GALC: variants seen among roughly 807,000 people sequenced by gnomAD.
GALC encodes the protein galactosylceramidase.
A neutral mutation model predicts 91.8 loss-of-function variants in GALC; 77 were observed. The ratio of observed to expected loss-of-function variants is 0.84; its 90% CI spans 0.70 to 1.01. The LOEUF (loss-of-function observed/expected upper bound fraction) is 1.01. GALC is among the 50% of genes least tolerant of loss of function. The pLI, the probability that GALC is intolerant of heterozygous loss-of-function variation, is 0.00. For missense variants in GALC, 882 were observed against 855.9 expected, an observed-to-expected ratio of 1.03 and a Z score of -0.38; for synonymous variants, 357 against 306.7, an observed-to-expected ratio of 1.16 and a Z score of -1.71.
At chr14:87,978,745 C>T (rs1162526204) in intron 6 of GALC, among the ~76,000 whole-genome samples, 2 of 151,820 alleles carry the variant, frequency 1.3e-5, no homozygotes, top group Non-Finnish European at 2.9e-5. Context: ...ATCCTCAGAT[C>T]CTAGATGAGA....
At chr14:87,988,717 G>A (rs867784356) in intron 1 of GALC, among the ~76,000 whole-genome samples, 194 bp from the exon 2 acceptor site, 1 of 149,312 alleles carries the variant, frequency 6.7e-6, no homozygotes, top group African/African-American at 2.4e-5. Context: ...CTGTCTGTCC[G>A]ACAGCTAAAA....
chr14:87,958,606 T>C (rs769547418), intron 10 of GALC, among the ~76,000 whole-genome samples: 23 of 152,106 alleles, frequency 1.5e-4, no homozygotes, highest in Admixed American at 1.2e-3. Context: ...TAAAAGGCTA[T>C]AGTAACGATT....
chr14:87,987,097 G>A, intron 3 of GALC: 1 of 448,270 alleles, frequency 2.2e-6, no homozygotes, highest in Non-Finnish European at 4.4e-6. Flanking sequence ...AAAGGAATGA[G>A]TATACATATC....
intron 16 of GALC, among the ~76,000 whole-genome samples, chr14:87,936,916 A>ATATATATATATATATATATAT (rs1431339979): frequency 2.1e-5 from 3 of 139,570 alleles, no homozygotes; most frequent in African/African-American, 8.3e-5. Context: ...ATATATATTT[A>ATATATATATATATATATATAT]TTTATTTTCT....
intron 16 of GALC, among the ~76,000 whole-genome samples, chr14:87,939,623 A>T (rs1272668385): frequency 6.6e-6 from 1 of 151,906 alleles, no homozygotes; most frequent in Non-Finnish European, 1.5e-5. Flanking sequence ...TGAAAAAAAT[A>T]GTTCAATTAT....
At chr14:87,966,124 C>G (rs970138016) in intron 8 of GALC, among the ~76,000 whole-genome samples, 1 of 152,200 alleles carries the variant, frequency 6.6e-6, no homozygotes, top group Non-Finnish European at 1.5e-5. Flanking sequence ...GGTTTCACCA[C>G]TTAACCTCTC....
intron 8 of GALC, among the ~76,000 whole-genome samples, chr14:87,966,025 T>A (rs1340853902): frequency 6.6e-6 from 1 of 152,200 alleles, no homozygotes; most frequent in Admixed American, 6.6e-5. Flanking sequence ...CCCAGTTTTA[T>A]GACATAATTT....
At chr14:87,989,878 C>G (rs150387852) in intron 1 of GALC, among the ~76,000 whole-genome samples, 1 of 152,298 alleles carries the variant, frequency 6.6e-6, no homozygotes, top group Non-Finnish European at 1.5e-5. Flanking sequence ...CACCCAAATC[C>G]CTTAATTATT....
chr14:87,934,899 T>G, intron 16 of GALC, 21 bp from the exon 17 acceptor site: 1 of 1,551,944 alleles, frequency 6.4e-7, no homozygotes, highest in Non-Finnish European at 8.9e-7. Flanking sequence ...AAGAAACACA[T>G]TCCTTGAAAC....
In GALC at chr14:87,982,220, A is replaced by C. The variant is rs757920477; in HGVS notation, c.606T>G (p.Asn202Lys). ...TTGTACACACCTTAATATAATTGGC[A>C]TTATATGACCTCTCATTCCAAATCT... is the stretch of plus-strand genomic sequence containing the variant. Reference protein sequence around the residue: ...YIGIWNERSYNANYIKILRKM... With the variant: ...YIGIWNERSYKANYIKILRKM... The change falls in exon 6 of 17, where the codon AAT (asparagine) becomes AAG (lysine). Residue 202 changes from asparagine to lysine, a missense_variant. Transcript: ENST00000261304. 4.4e-6 allele frequency: 7 copies of C among 1,578,826 alleles called. No individual in the cohort carries two copies. The African/African-American group carries it at 9.4e-5, about 21-fold the overall frequency.
chr14:87,936,918 T>TATATA (rs60320327), intron 16 of GALC, among the ~76,000 whole-genome samples: 4 of 124,776 alleles, frequency 3.2e-5, no homozygotes, highest in Non-Finnish European at 6.3e-5. Context: ...ATATATTTAT[T>TATATA]TATTTTCTCA....
In GALC at chr14:87,933,382, T is replaced by G. The variant is rs1046385650; in HGVS notation, c.*1350A>C. ...AGTGTTGGTTACATGGGTATATCAA[T>G]TTATCAAAACTCACTGAATTGTATA... On this transcript the variant is annotated 3_prime_UTR_variant, in exon 17 of 17. Transcript: ENST00000261304. 4 of 152,574 alleles carry G rather than the reference T, an allele frequency of 2.6e-5. No homozygotes were observed. Among genetic ancestry groups the G allele is most frequent in the African/African-American group, 4.8e-5 (2 of 41,458 alleles). The allele number at this position is 152,574 out of a possible 1,614,324, so 9.5% of individuals were successfully genotyped here.
intron 10 of GALC, among the ~76,000 whole-genome samples, chr14:87,956,705 G>A (rs1449736170): frequency 6.6e-6 from 1 of 151,736 alleles, no homozygotes; most frequent in Non-Finnish European, 1.5e-5. Flanking sequence ...TTTCAATTGT[G>A]AATTGTGCTA....
chr14:87,945,435 T>A, intron 14 of GALC, 118 bp downstream of exon 14: 1 of 807,986 alleles, frequency 1.2e-6, no homozygotes. Context: ...TATTACATAT[T>A]ACACATCTAT....
chr14:87,940,007 T>G (rs771594398), intron 15 of GALC, 26 bp from the exon 16 acceptor site: 1 of 1,543,196 alleles, frequency 6.5e-7, no homozygotes, highest in East Asian at 2.2e-5. Flanking sequence ...ATTATCCCAA[T>G]AGATATAATT....
chr14:87,962,775 T>C (rs983437280), intron 10 of GALC, among the ~76,000 whole-genome samples: 1 of 152,094 alleles, frequency 6.6e-6, no homozygotes, highest in African/African-American at 2.4e-5. Context: ...ATTGACCTCT[T>C]TGGGAAGCTT....
At chr14:87,957,318 A>C (rs112947484) in intron 10 of GALC, among the ~76,000 whole-genome samples, 17,196 of 152,140 alleles carry the variant, frequency 0.11, 1,143 homozygotes, top group Non-Finnish European at 0.16. Flanking sequence ...TTAGTTATAA[A>C]TTATTTGCCT....
At chr14:87,968,196 C>CA (rs1886134290) in intron 8 of GALC, 139 bp downstream of exon 8, 1 of 663,606 alleles carries the variant, frequency 1.5e-6, no homozygotes, top group Admixed American at 2.9e-5. Flanking sequence ...TATAGGTATA[C>CA]AAATAGATGA....
At chr14:87,935,855 C>T (rs1239439613) in intron 16 of GALC, among the ~76,000 whole-genome samples, 1 of 152,012 alleles carries the variant, frequency 6.6e-6, no homozygotes, top group African/African-American at 2.4e-5. Flanking sequence ...TAGATTAAAG[C>T]TCAAAGTCAC....
Sources: allele counts gnomAD v4.1 joint callset (sites outside exome capture counted in the v4.1 genomes callset), GRCh38; gene constraint gnomAD v4.1.1; transcripts MANE v1.5; gene names NCBI Gene and HGNC (gene_info 2026-07-23, HGNC 2026-07-21).